CNTN4: variants seen among roughly 807,000 people sequenced by gnomAD.
CNTN4 encodes contactin 4.
Under a neutral mutation model 122.5 loss-of-function variants are expected in CNTN4, and 77 were observed. The ratio of observed to expected loss-of-function variants is 0.63; its 90% CI spans 0.52 to 0.76. CNTN4 has a LOEUF of 0.76. Ranked by LOEUF, CNTN4 falls within the 30% of genes least tolerant of loss-of-function variation. CNTN4 has a pLI of 0.00. For synonymous variants in CNTN4, 512 were observed against 447.0 expected, an observed-to-expected ratio of 1.15 and a Z score of -1.83; for missense variants, 1,256 against 1,259.1, an observed-to-expected ratio of 1.00 and a Z score of 0.04.
At chr3:2,789,508 C>G (rs985700033) in intron 6 of CNTN4, among the ~76,000 whole-genome samples, 1 of 152,222 alleles carries the variant, frequency 6.6e-6, no homozygotes, top group African/African-American at 2.4e-5. Flanking sequence ...TATCAGCTCA[C>G]TGCAACCTCC....
In CNTN4 at chr3:2,617,419, C is replaced by CTTTTTT. The variant is rs71058631; in HGVS notation, c.55+45875_55+45880dup. On this transcript the variant is annotated intron_variant, in intron 4 of 24. Transcript: ENST00000418658. ...ACATCACTGATCTTTAGAGAAATGC[C>CTTTTTT]TTTTTTTTTTTTTTTTTTTGAGACA... Among the ~76,000 whole-genome samples the CTTTTTT allele has an allele frequency of 3.5e-3, 384 of 108,466 alleles. 17 individuals are homozygous for CTTTTTT. Among genetic ancestry groups the CTTTTTT allele is most frequent in the East Asian group, 0.018 (76 of 4,120 alleles). 71.2% of individuals were successfully genotyped at this position (108,466 alleles called of 152,430 possible).
intron 3 of CNTN4, among the ~76,000 whole-genome samples, chr3:2,533,545 T>TTGCTA (rs2077681422): frequency 6.6e-6 from 1 of 152,194 alleles, no homozygotes; most frequent in African/African-American, 2.4e-5. Context: ...TTGATGGACA[T>TTGCTA]TTGGGTTGGT....
rs1198181617 is a variant in CNTN4 at position 2,991,289 on chromosome 3, T to G, written c.1486+2817T>G. ...ACAAAAAGAGGAAGGCAGGGATGTG[T>G]AGGTATGAGCCATGAGGTTAAGGGA... On this transcript the variant is annotated intron_variant, in intron 14 of 24. Coordinates refer to ENST00000418658, the MANE Select transcript of CNTN4 (RefSeq NM_175607.3). Among the ~76,000 whole-genome samples, 3 of 152,082 alleles carry G rather than the reference T, an allele frequency of 2.0e-5. No homozygotes were observed. The East Asian group carries it at 5.8e-4, about 29-fold the overall frequency.
chr3:3,042,623 A>AT (rs934790312), intron 21 of CNTN4, among the ~76,000 whole-genome samples: 63 of 152,244 alleles, frequency 4.1e-4, no homozygotes, highest in African/African-American at 1.5e-3. Context: ...TTCTAGAGGT[A>AT]TTTTTCGAAT....
intron 4 of CNTN4, among the ~76,000 whole-genome samples, chr3:2,734,113 C>G (rs9848561): frequency 0.89 from 134,687 of 152,138 alleles, 59,846 homozygotes; most frequent in Non-Finnish European, 0.93. Context: ...AAGCTGGAGC[C>G]TGCTGGCAAT....
rs57890855 is a variant in CNTN4 at position 3,014,086 on chromosome 3, A to ACC, written c.1487-12013_1487-12012dup. The stretch of plus-strand genomic sequence containing the variant: ...CACACACACACACACACACACACAC[A>ACC]CCCCTAGGGGTTTTGTTTGTTTTAA... On this transcript the variant is annotated intron_variant, in intron 14 of 24. Transcript: ENST00000418658. Among the ~76,000 whole-genome samples the ACC allele has an allele frequency of 1.3e-3, 173 of 135,052 alleles. 2 individuals carry two copies. The highest frequency in any genetic ancestry group is 4.6e-3 in the African/African-American group (167 of 36,312). 88.6% of individuals were successfully genotyped at this position (135,052 alleles called of 152,430 possible).
At chr3:2,795,064 C>G (rs369975641) in intron 6 of CNTN4, among the ~76,000 whole-genome samples, 1 of 152,148 alleles carries the variant, frequency 6.6e-6, no homozygotes, top group African/African-American at 2.4e-5. Context: ...AATTCTCTGT[C>G]CATGGTTAAG....
intron 3 of CNTN4, among the ~76,000 whole-genome samples, chr3:2,516,744 TAA>T (rs2077050009): frequency 6.6e-6 from 1 of 152,070 alleles, no homozygotes; most frequent in East Asian, 1.9e-4. Flanking sequence ...TGCAAAGGAA[TAA>T]AGTGTTTCTT....
intron 6 of CNTN4, among the ~76,000 whole-genome samples, chr3:2,815,410 C>T (rs1045009961): frequency 1.3e-5 from 2 of 152,032 alleles, no homozygotes; most frequent in Non-Finnish European, 2.9e-5. Flanking sequence ...ATCAAACAGT[C>T]CCATCAAAAA....
At chr3:2,607,823 G>A (rs1000378558) in intron 4 of CNTN4, among the ~76,000 whole-genome samples, 1 of 151,994 alleles carries the variant, frequency 6.6e-6, no homozygotes, top group South Asian at 2.1e-4. Flanking sequence ...TCTGGCTTTT[G>A]ATTATGTAGG....
intron 3 of CNTN4, among the ~76,000 whole-genome samples, chr3:2,418,440 C>T (rs2047497329): frequency 2.0e-5 from 3 of 152,134 alleles, no homozygotes; most frequent in Admixed American, 6.6e-5. Flanking sequence ...GCTCACAGCC[C>T]AGGTACTAAA....
At chr3:2,401,043 C>G (rs1017066754) in intron 3 of CNTN4, among the ~76,000 whole-genome samples, 2 of 152,006 alleles carry the variant, frequency 1.3e-5, no homozygotes, top group African/African-American at 4.8e-5. Context: ...TGATTTCCAC[C>G]TTTCAGGTAT....
At chr3:2,164,623 G>C (rs1160333441) in intron 2 of CNTN4, among the ~76,000 whole-genome samples, 1 of 152,150 alleles carries the variant, frequency 6.6e-6, no homozygotes, top group South Asian at 2.1e-4. Context: ...TACAAAAGTT[G>C]ACACAGAAAA....
intron 2 of CNTN4, among the ~76,000 whole-genome samples, chr3:2,116,821 C>T (rs1275333452): frequency 6.6e-6 from 1 of 152,188 alleles, no homozygotes; most frequent in Non-Finnish European, 1.5e-5. Flanking sequence ...CAGATTTCAG[C>T]CCTGGCTCCT....
At chr3:2,894,183 A>T (rs1214267524) in intron 10 of CNTN4, among the ~76,000 whole-genome samples, 1 of 152,218 alleles carries the variant, frequency 6.6e-6, no homozygotes, top group African/African-American at 2.4e-5. Context: ...TTCTGTATTC[A>T]GTCTGTCATG....
rs73805469 is a variant in CNTN4 at position 2,966,962 on chromosome 3, A to G, written c.1359-21383A>G. ...CATATTGTAACTGCTCAATGGGTTC[A>G]CCCTGCCTGCTGCCTAGACAGAGCA... On this transcript the variant is annotated intron_variant, in intron 13 of 24. Transcript: ENST00000418658. 9.8e-3 allele frequency among the ~76,000 whole-genome samples: 1,496 copies of G among 152,300 alleles called. 23 individuals carry two copies. The highest frequency in any genetic ancestry group is 0.034 in the African/African-American group (1,414 of 41,560).
chr3:2,549,583 C>G (rs2078396137), intron 3 of CNTN4, among the ~76,000 whole-genome samples: 1 of 152,170 alleles, frequency 6.6e-6, no homozygotes, highest in Non-Finnish European at 1.5e-5. Context: ...TTTTGATGTA[C>G]TGCTGAATTC....
chr3:2,441,934 T>C (rs2048457327), intron 3 of CNTN4, among the ~76,000 whole-genome samples: 1 of 152,186 alleles, frequency 6.6e-6, no homozygotes. Flanking sequence ...CATTTCTGAT[T>C]AACCTTCATT....
intron 2 of CNTN4, among the ~76,000 whole-genome samples, chr3:2,240,790 G>A (rs975985256): frequency 2.0e-5 from 3 of 151,726 alleles, no homozygotes; most frequent in South Asian, 2.1e-4. Context: ...TATTTTAAAC[G>A]TTTGTAAATC....
Sources: gnomAD v4.1 joint callset for allele counts (sites outside exome capture counted in the v4.1 genomes callset) on GRCh38, gnomAD v4.1.1 for gene constraint, MANE v1.5 for transcripts, NCBI Gene and HGNC (gene_info 2026-07-23, HGNC 2026-07-21) for gene names.